The following POU2F1 variants were observed in gnomAD, a reference collection of about 807,000 sequenced individuals.
POU2F1 encodes POU class 2 homeobox 1.
A neutral mutation model predicts 84.9 loss-of-function variants in POU2F1; 16 were observed. The ratio of observed to expected loss-of-function variants is 0.19; its 90% CI spans 0.13 to 0.29. POU2F1 has a LOEUF of 0.29. Among genes scored for constraint, POU2F1 ranks in the 10% least tolerant of loss-of-function variants. The probability of loss-of-function intolerance (pLI) is 1.00; values close to 1 mark genes in which losing one functional copy is unlikely to be tolerated. For synonymous variants in POU2F1, 368 were observed against 368.3 expected, an observed-to-expected ratio of 1.00 and a Z score of 0.01; for missense variants, 738 against 942.6, an observed-to-expected ratio of 0.78 and a Z score of 2.84.
At position 167,419,055 on chromosome 1, in the gene POU2F1, A is replaced by G. The variant is rs1650484064; in HGVS notation, c.*3245A>G. The G allele has an allele frequency of 6.6e-6, 1 of 152,216 alleles. No homozygotes were observed. Among genetic ancestry groups the G allele is most frequent in the Non-Finnish European group, 1.5e-5 (1 of 68,038 alleles). 9.4% of individuals were successfully genotyped at this position (152,216 alleles called of 1,614,324 possible). On this transcript the variant is annotated 3_prime_UTR_variant, in exon 16 of 16. Transcript: ENST00000367866. ...TCAACTCCCTATCCATCATCCCTAGATATTCTACTTATCGTATTGCTTCAT... is the reference window on the plus strand; with the variant it reads ...TCAACTCCCTATCCATCATCCCTAGGTATTCTACTTATCGTATTGCTTCAT...
chr1:167,247,897 G>T (rs1459337749), intron 1 of POU2F1, among the ~76,000 whole-genome samples: 3 of 152,158 alleles, frequency 2.0e-5, no homozygotes, highest in Admixed American at 1.3e-4. Context: ...CTTTTTTAAG[G>T]TTGCATGCAG....
At chr1:167,270,140 A>G (rs1652268773) in intron 1 of POU2F1, among the ~76,000 whole-genome samples, 1 of 152,292 alleles carries the variant, frequency 6.6e-6, no homozygotes, top group Non-Finnish European at 1.5e-5. Flanking sequence ...GAACAGTAGT[A>G]ACATTTTATT....
intron 1 of POU2F1, among the ~76,000 whole-genome samples, chr1:167,248,774 T>C (rs1650516574): frequency 6.6e-6 from 1 of 152,210 alleles, no homozygotes; most frequent in Non-Finnish European, 1.5e-5. Flanking sequence ...ACATTTAATA[T>C]ACAGTGCTTA....
At chr1:167,221,039 T>G (rs1557824846) in intron 1 of POU2F1, 81 bp downstream of exon 1, 2 of 1,224,878 alleles carry the variant, frequency 1.6e-6, no homozygotes, top group African/African-American at 3.0e-5. Flanking sequence ...TTAGCATAAT[T>G]TATTAGTACT....
intron 1 of POU2F1, among the ~76,000 whole-genome samples, chr1:167,224,138 A>G (rs923349926): frequency 1.3e-5 from 2 of 152,218 alleles, no homozygotes; most frequent in Non-Finnish European, 2.9e-5. Flanking sequence ...AACTGGCCTT[A>G]TATTTTGGTT....
intron 9 of POU2F1, among the ~76,000 whole-genome samples, chr1:167,392,922 T>C (rs1005144684): frequency 6.6e-6 from 1 of 151,258 alleles, no homozygotes; most frequent in Non-Finnish European, 1.5e-5. Flanking sequence ...CCATTAAAGT[T>C]ATTTGCTGAA....
rs568975269 is a variant in POU2F1, at chr1:167,329,362, CG to C, written c.62-3105del. 68 of 1,524,418 alleles carry C rather than the reference CG, an allele frequency of 4.5e-5. No homozygotes were observed. The East Asian group carries it at 6.5e-4, about 14-fold the overall frequency. The allele number at this position is 1,524,418 out of a possible 1,614,324, so 94.4% of individuals were successfully genotyped here. On this transcript the variant is annotated intron_variant, in intron 1 of 15. Coordinates refer to ENST00000367866, the MANE Select transcript of POU2F1 (RefSeq NM_002697.4). The stretch of plus-strand genomic sequence containing the variant: ...GCTTTAATATGGAAATAGAGTGTGT[CG>C]GGTTGACTATGCATAAATGCTTAAT...
intron 1 of POU2F1, among the ~76,000 whole-genome samples, chr1:167,282,460 C>T (rs1653225016): frequency 6.6e-6 from 1 of 152,174 alleles, no homozygotes; most frequent in East Asian, 1.9e-4. Context: ...TTTTAAATTT[C>T]TATTACATCC....
chr1:167,237,766 ATATATATTTTTTTT>A (rs1159406417), intron 1 of POU2F1, among the ~76,000 whole-genome samples: 26 of 58,016 alleles, frequency 4.5e-4, no homozygotes, highest in African/African-American at 1.5e-3. Flanking sequence ...ATATATATAT[ATATATATTTTTTTT>A]TTTTTTTTTT....
chr1:167,265,626 A>G (rs1651887241), intron 1 of POU2F1, among the ~76,000 whole-genome samples: 1 of 152,194 alleles, frequency 6.6e-6, no homozygotes, highest in Non-Finnish European at 1.5e-5. Flanking sequence ...ATGTATATAT[A>G]TAGCTCATTT....
At position 167,401,484 on chromosome 1, in the gene POU2F1, G is replaced by T; in HGVS notation, c.1483G>T (p.Ala495Ser). The change falls in exon 13 of 16, where the codon GCA becomes TCA. Residue 495 changes from alanine (A) to serine (S), a missense_variant. Physicochemically the swap from Ala to Ser is moderately conservative, Grantham distance 99. Around this residue, in one of 4 missense-constraint regions of POU2F1, gnomAD observed 319 missense variants for 386.0 expected, o/e 0.83. Coordinates refer to ENST00000367866, the MANE Select transcript of POU2F1 (RefSeq NM_002697.4). ...CACACCAAGCCTTGTGACTAGCAGT[G>T]CAGCAACTACCCTCACAGTCAGCCC... is the stretch of plus-strand genomic sequence containing the variant. ...ATTPSLVTSS[A>S]ATTLTVSPVL... The T allele has an allele frequency of 6.2e-7, 1 of 1,613,362 alleles. No individual in the cohort carries two copies. The highest frequency in any genetic ancestry group is 8.5e-7 in the Non-Finnish European group (1 of 1,179,754).
chr1:167,358,716 C>CTTTT lies in POU2F1; in HGVS notation c.128-6733_128-6730dup, dbSNP rs1197814755. 1.9e-3 allele frequency among the ~76,000 whole-genome samples: 73 copies of CTTTT among 38,344 alleles called. 10 individuals carry two copies. Among genetic ancestry groups the CTTTT allele is most frequent in the African/African-American group, 4.9e-3 (69 of 14,006 alleles). The allele number at this position is 38,344 out of a possible 152,430, so 25.2% of individuals were successfully genotyped here. A position where few individuals can be genotyped will look rare whatever the true frequency, so the allele number is the denominator to read the frequency against. Reference sequence around the variant, plus strand: ...TTCTTAATCTTTTTATTATCTGCAGCTTTTTTTTTTTTTTTTTTTTTGAGA... The same window carrying CTTTT: ...TTCTTAATCTTTTTATTATCTGCAGCTTTTTTTTTTTTTTTTTTTTTTTTTGAGA... On this transcript the variant is annotated intron_variant, in intron 2 of 15. Coordinates refer to ENST00000367866, the MANE Select transcript of POU2F1 (RefSeq NM_002697.4).
At chr1:167,397,628 C>T (rs953702799) in intron 10 of POU2F1, among the ~76,000 whole-genome samples, 1 of 152,204 alleles carries the variant, frequency 6.6e-6, no homozygotes, top group African/African-American at 2.4e-5. Context: ...TCACTGCAGC[C>T]TCCACCTCCC....
chr1:167,284,641 T>G (rs1010740569), intron 1 of POU2F1, among the ~76,000 whole-genome samples: 4 of 152,252 alleles, frequency 2.6e-5, no homozygotes, highest in Admixed American at 1.3e-4. Context: ...CATTTTAATA[T>G]AGGCAGTGTC....
chr1:167,399,652 G>C (rs1312068178), intron 12 of POU2F1, among the ~76,000 whole-genome samples: 1 of 151,914 alleles, frequency 6.6e-6, no homozygotes, highest in Non-Finnish European at 1.5e-5. Context: ...TATTGGTCTT[G>C]CTTATTTTTT....
At chr1:167,300,368 A>G (rs911951138) in intron 1 of POU2F1, among the ~76,000 whole-genome samples, 1 of 152,202 alleles carries the variant, frequency 6.6e-6, no homozygotes, top group Non-Finnish European at 1.5e-5. Flanking sequence ...CTTCAGTATC[A>G]TGCAATATAT....
chr1:167,345,915 C>T (rs1261515993), intron 2 of POU2F1, among the ~76,000 whole-genome samples: 1 of 151,004 alleles, frequency 6.6e-6, no homozygotes, highest in East Asian at 1.9e-4. Flanking sequence ...AATCCCAACA[C>T]TTTGGGACAT....
At chr1:167,269,925 A>C (rs1652245924) in intron 1 of POU2F1, among the ~76,000 whole-genome samples, 1 of 151,806 alleles carries the variant, frequency 6.6e-6, no homozygotes, top group Admixed American at 6.6e-5. Flanking sequence ...AAAAAAAAAA[A>C]AAAAGAGTAA....
intron 14 of POU2F1, 134 bp from the exon 15 acceptor site, chr1:167,412,891 GA>G: frequency 1.5e-6 from 1 of 678,808 alleles, no homozygotes; most frequent in Non-Finnish European, 2.5e-6. Context: ...ACAAACCATA[GA>G]AGAGTAAAGA....
Sources: gnomAD v4.1 joint callset for allele counts (sites outside exome capture counted in the v4.1 genomes callset) on GRCh38, gnomAD v4.1.1 for gene constraint, gnomAD v4.1.1 regional missense constraint, MANE v1.5 for transcripts, NCBI Gene and HGNC (gene_info 2026-07-23, HGNC 2026-07-21) for gene names.